The following GTF3C1 variants were observed in gnomAD, a reference collection of about 807,000 sequenced individuals.
GTF3C1 encodes general transcription factor IIIC subunit 1.
In GTF3C1, 57 loss-of-function variants were observed where a neutral mutation model predicts 226.7. The ratio of observed to expected loss-of-function variants is 0.25; its 90% CI spans 0.20 to 0.31. GTF3C1 has a LOEUF of 0.31. GTF3C1 is among the 10% of genes least tolerant of loss of function. The probability of loss-of-function intolerance (pLI) is 1.00; values close to 1 mark genes in which losing one functional copy is unlikely to be tolerated. For synonymous variants in GTF3C1, 1,090 were observed against 1,084.8 expected (o/e 1.00, Z -0.09); for missense variants, 2,217 against 2,776.1 (o/e 0.80, Z 4.53).
At chr16:27,473,980 C>T (rs2087915612) in intron 29 of GTF3C1, among the ~76,000 whole-genome samples, 1 of 152,216 alleles carries the variant, frequency 6.6e-6, no homozygotes, top group South Asian at 2.1e-4. Context: ...TCCCACATAA[C>T]AGGATAGGAG....
intron 8 of GTF3C1, 69 bp downstream of exon 8, chr16:27,508,471 G>C: frequency 8.3e-7 from 1 of 1,207,936 alleles, no homozygotes; most frequent in Non-Finnish European, 1.2e-6. Flanking sequence ...TGACTGAGAT[G>C]CTCGTTCTCA....
chr16:27,469,196 G>A lies in GTF3C1; in HGVS notation c.5074+95C>T, dbSNP rs369496882. 1.6e-6 allele frequency: 2 copies of A among 1,289,750 alleles called. No individual in the cohort carries two copies. The highest frequency in any genetic ancestry group is 3.0e-5 in the African/African-American group (2 of 67,094). The allele number at this position is 1,289,750 out of a possible 1,614,324, so 79.9% of individuals were successfully genotyped here. A position where few individuals can be genotyped will look rare whatever the true frequency, so the allele number is the denominator to read the frequency against. On this transcript the variant is annotated intron_variant, in intron 32 of 36. Coordinates refer to ENST00000356183, the MANE Select transcript of GTF3C1 (RefSeq NM_001520.4). The surrounding 1 kb of genome is among the most constrained non-coding windows in gnomAD (Gnocchi z 4.5). ...GTTCTGTGGCTGCACGCCTGGCCTGGGGAGCCTGAAGGTCTAGGTCCCAGG... is the reference window on the plus strand; with the variant it reads ...GTTCTGTGGCTGCACGCCTGGCCTGAGGAGCCTGAAGGTCTAGGTCCCAGG...
chr16:27,506,266 C>A, intron 9 of GTF3C1, 150 bp from the exon 10 acceptor site: 1 of 600,588 alleles, frequency 1.7e-6, no homozygotes, highest in South Asian at 2.0e-5. Flanking sequence ...GCTTGGGCCC[C>A]TCCTTCTGGC....
At position 27,507,265 on chromosome 16, in the gene GTF3C1, T is replaced by C; in HGVS notation, c.1243-109A>G. The C allele has an allele frequency of 2.4e-6, 2 of 833,398 alleles. No individual in the cohort carries two copies. The highest frequency in any genetic ancestry group is 1.7e-5 in the South Asian group (1 of 58,402). 51.6% of individuals were successfully genotyped at this position (833,398 alleles called of 1,614,324 possible). ...CTTATTGGCTTTCTTCTGTTTCTCC[T>C]GTCTTACTGCCTGGGCCCTGGGTTG... is the stretch of plus-strand genomic sequence containing the variant. On this transcript the variant is annotated intron_variant, in intron 8 of 36. Transcript: ENST00000356183. This position sits in a 1 kb window ranked among gnomAD's most constrained non-coding sequence, Gnocchi z 4.9.
chr16:27,517,260 G>C (rs1190360390), intron 6 of GTF3C1, among the ~76,000 whole-genome samples: 1 of 152,174 alleles, frequency 6.6e-6, no homozygotes, highest in East Asian at 1.9e-4. Context: ...AGTTTTACCA[G>C]GCTCAGAATT....
intron 6 of GTF3C1, among the ~76,000 whole-genome samples, chr16:27,514,535 C>T (rs184773700): frequency 2.0e-5 from 3 of 152,088 alleles, no homozygotes; most frequent in African/African-American, 7.2e-5. Context: ...CCATGCCATT[C>T]CCCCCTAGAC....
intron 1 of GTF3C1, among the ~76,000 whole-genome samples, chr16:27,547,692 C>A (rs2089185066): frequency 1.3e-5 from 2 of 151,914 alleles, no homozygotes; most frequent in African/African-American, 4.8e-5. Flanking sequence ...GAGATGGATT[C>A]TCCCTCTGTC....
chr16:27,549,897 T>G lies in GTF3C1; in HGVS notation c.-7A>C, dbSNP rs2089256360. 4 of 1,606,600 alleles carry G rather than the reference T, an allele frequency of 2.5e-6. No individual in the cohort carries two copies. Among genetic ancestry groups the G allele is most frequent in the Non-Finnish European group, 3.4e-6 (4 of 1,174,568 alleles). On this transcript the variant is annotated 5_prime_UTR_variant, in exon 1 of 37. Coordinates refer to ENST00000356183, the MANE Select transcript of GTF3C1 (RefSeq NM_001520.4). Reference sequence around the variant, plus strand: ...ACGACTCCAGCGCGTCCATTGCTACTTCAGTCGGCGGCGCCCGGGGCGCAT... The same window carrying G: ...ACGACTCCAGCGCGTCCATTGCTACGTCAGTCGGCGGCGCCCGGGGCGCAT...
intron 21 of GTF3C1, 57 bp downstream of exon 21, chr16:27,488,986 C>G (rs894062372): frequency 6.5e-7 from 1 of 1,534,010 alleles, no homozygotes; most frequent in Non-Finnish European, 9.0e-7. Flanking sequence ...CAGGGAGGGA[C>G]AGGAGGGTGA....
At chr16:27,513,971 G>C (rs1031217370) in intron 6 of GTF3C1, among the ~76,000 whole-genome samples, 1 of 152,198 alleles carries the variant, frequency 6.6e-6, no homozygotes, top group Non-Finnish European at 1.5e-5. Flanking sequence ...TCAAGCAGGA[G>C]GTTCTTTTGG....
chr16:27,517,288 A>T (rs1358866728), intron 6 of GTF3C1, among the ~76,000 whole-genome samples: 1 of 152,146 alleles, frequency 6.6e-6, no homozygotes, highest in Admixed American at 6.5e-5. Flanking sequence ...TTATTATTAA[A>T]ATCCCTCTGG....
Position 27,476,480 on chromosome 16 carries a change from T to G in GTF3C1, c.4324A>C (p.Ser1442Arg). Residue 1442 changes from serine (S) to arginine (R), a missense_variant, in exon 29 of 37, where the codon AGT becomes CGT. Physicochemically the swap from Ser to Arg is moderately radical, Grantham distance 110 (BLOSUM62 -1). Around this residue, in one of 12 missense-constraint regions of GTF3C1, gnomAD observed 546 missense variants for 663.0 expected, o/e 0.82. Coordinates refer to ENST00000356183, the MANE Select transcript of GTF3C1 (RefSeq NM_001520.4). Reference protein sequence around the residue: ...LIQSTLALSDSQMKSYQSFQT... With the variant: ...LIQSTLALSDRQMKSYQSFQT... ...AATGACTGGTAGGACTTCATCTGACTGTCTGAGAGGGCCAGCGTGCTCTGG... is the reference window on the plus strand; with the variant it reads ...AATGACTGGTAGGACTTCATCTGACGGTCTGAGAGGGCCAGCGTGCTCTGG... 1 of 1,613,048 alleles carries G rather than the reference T, an allele frequency of 6.2e-7. No individual in the cohort carries two copies. Among genetic ancestry groups the G allele is most frequent in the Non-Finnish European group, 8.5e-7 (1 of 1,179,056 alleles).
In GTF3C1 at chr16:27,505,936, A is replaced by G. The variant is rs765758182; in HGVS notation, c.1733T>C (p.Ile578Thr). The G allele has an allele frequency of 1.2e-6, 2 of 1,612,826 alleles. No homozygotes were observed. The highest frequency in any genetic ancestry group is 2.2e-5 in the South Asian group (2 of 91,046). Residue 578 changes from isoleucine (I) to threonine (T), a missense_variant, in exon 10 of 37, where the codon ATA (isoleucine) becomes ACA (threonine). Physicochemically the swap from Ile to Thr is moderately conservative, Grantham distance 89 (BLOSUM62 -1). Around this residue, in one of 12 missense-constraint regions of GTF3C1, gnomAD observed 173 missense variants for 207.2 expected, o/e 0.83. Transcript: ENST00000356183. ...SHCADSNSGD[I>T]AVIEEVRMEN... ...CATCCGGACCTCCTCGATCACAGCT[A>G]TGTCACCACTGTTGCTGTCCGCACA...
intron 6 of GTF3C1, among the ~76,000 whole-genome samples, chr16:27,517,548 C>G (rs1367577611): frequency 1.3e-5 from 2 of 152,196 alleles, no homozygotes; most frequent in Admixed American, 6.5e-5. Context: ...GAGATACAAC[C>G]AGCACCCGCT....
intron 1 of GTF3C1, among the ~76,000 whole-genome samples, chr16:27,549,247 A>C (rs1405647313): frequency 6.6e-6 from 1 of 152,198 alleles, no homozygotes; most frequent in Non-Finnish European, 1.5e-5. Context: ...TGATACGCAG[A>C]TCTCGAGTTG....
At position 27,476,432 on chromosome 16, in the gene GTF3C1, C is replaced by A; in HGVS notation, c.4353+19G>T. 1 of 1,516,526 alleles carries A rather than the reference C, an allele frequency of 6.6e-7. No individual in the cohort carries two copies. Among genetic ancestry groups the A allele is most frequent in the Non-Finnish European group, 9.2e-7 (1 of 1,091,328 alleles). 93.9% of individuals were successfully genotyped at this position (1,516,526 alleles called of 1,614,324 possible). On this transcript the variant is annotated intron_variant, in intron 29 of 36. Transcript: ENST00000356183. ...AAGGGCCCACATCCCCGCTGTGCTG[C>A]CGGGCAGCCGACACCCACCTGGAAT...
chr16:27,508,999 G>A (rs1385174582), intron 7 of GTF3C1, among the ~76,000 whole-genome samples: 1 of 152,194 alleles, frequency 6.6e-6, no homozygotes, highest in East Asian at 1.9e-4. Context: ...CCTTTCGCAT[G>A]AATGAACTGT....
In GTF3C1 at chr16:27,468,935, G is replaced by A. The variant is rs540387686; in HGVS notation, c.5074+356C>T. Among the ~76,000 whole-genome samples, 41 of 152,312 alleles carry A rather than the reference G, an allele frequency of 2.7e-4. 1 individual carries two copies. In the South Asian group the frequency reaches 4.2e-3, roughly 15 times the overall value. On this transcript the variant is annotated intron_variant, in intron 32 of 36. Transcript: ENST00000356183. The stretch of plus-strand genomic sequence containing the variant: ...TTTAGAGTTGCAGAGCTAAGCACCA[G>A]GAGACTAGAGCCCGGGCAGTGACAG...
At chr16:27,491,152 T>C (rs2088227456) in intron 19 of GTF3C1, among the ~76,000 whole-genome samples, 1 of 152,240 alleles carries the variant, frequency 6.6e-6, no homozygotes, top group African/African-American at 2.4e-5. Context: ...CAAGTGCTAT[T>C]ACTCTTGGCA....
Sources: allele counts gnomAD v4.1 joint callset (sites outside exome capture counted in the v4.1 genomes callset), GRCh38; gene constraint gnomAD v4.1.1; regional missense constraint gnomAD v4.1.1; non-coding constraint Gnocchi (gnomAD v3.1); transcripts MANE v1.5; gene names NCBI Gene and HGNC (gene_info 2026-07-23, HGNC 2026-07-21).